The following TMTC2 variants were observed in gnomAD, a reference collection of about 807,000 sequenced individuals.
TMTC2 encodes protein O-mannosyl-transferase TMTC2.
TMTC2 carries 43 observed loss-of-function variants against 82.4 expected under a neutral mutation model. That is an observed-to-expected ratio of 0.52 (90% CI 0.41 to 0.67). TMTC2 has a LOEUF of 0.67. Ranked by LOEUF, TMTC2 falls within the 30% of genes least tolerant of loss-of-function variation. The pLI, the probability that TMTC2 is intolerant of heterozygous loss-of-function variation, is 0.00. For synonymous variants in TMTC2, 408 were observed against 381.9 expected, an observed-to-expected ratio of 1.07 and a Z score of -0.80; for missense variants, 919 against 1,012.4, an observed-to-expected ratio of 0.91 and a Z score of 1.25.
chr12:83,016,007 T>C (rs1230275261), intron 8 of TMTC2, among the ~76,000 whole-genome samples: 1 of 152,196 alleles, frequency 6.6e-6, no homozygotes. Flanking sequence ...TTACTAAACA[T>C]TGCTGTTTTC....
Position 82,857,454 on chromosome 12 carries a change from A to G in TMTC2, c.528A>G (p.Gly176=), listed in dbSNP as rs1871319251. The G allele has an allele frequency of 3.1e-6, 5 of 1,614,196 alleles. No individual in the cohort carries two copies. The highest frequency in any genetic ancestry group is 1.6e-4 in the Middle Eastern group (1 of 6,062). Residue 176 remains glycine (G), a synonymous_variant, in exon 2 of 12, where the codon GGA becomes GGG. Transcript: ENST00000321196. ...ARTWGWFLGS[G]LCAGCSMLWK... The stretch of plus-strand genomic sequence containing the variant: ...CCTGGGGCTGGTTCCTGGGGTCAGG[A>G]CTGTGCGCAGGATGCAGCATGTTGT...
At chr12:83,045,928 A>G (rs1338324561) in intron 9 of TMTC2, among the ~76,000 whole-genome samples, 1 of 152,148 alleles carries the variant, frequency 6.6e-6, no homozygotes. Context: ...AGTGGGGAGA[A>G]GTAACATATC....
At chr12:83,100,068 C>A (rs946968061) in intron 11 of TMTC2, among the ~76,000 whole-genome samples, 4 of 151,878 alleles carry the variant, frequency 2.6e-5, no homozygotes, top group African/African-American at 7.3e-5. Flanking sequence ...TCCCGGCGCC[C>A]GCCACCATGC....
chr12:82,905,558 T>A (rs1379553404), intron 3 of TMTC2, among the ~76,000 whole-genome samples: 1 of 152,156 alleles, frequency 6.6e-6, no homozygotes, highest in African/African-American at 2.4e-5. Flanking sequence ...TATGTAAAAT[T>A]TCATACATAT....
intron 11 of TMTC2, among the ~76,000 whole-genome samples, chr12:83,123,691 A>G (rs1419824653): frequency 6.6e-6 from 1 of 151,462 alleles, no homozygotes; most frequent in Non-Finnish European, 1.5e-5. Flanking sequence ...TGAAATTCTG[A>G]CTCCCCTCTA....
At chr12:82,944,341 T>C (rs1454133862) in intron 4 of TMTC2, among the ~76,000 whole-genome samples, 1 of 152,070 alleles carries the variant, frequency 6.6e-6, no homozygotes, top group Non-Finnish European at 1.5e-5. Context: ...TCCCAGCACT[T>C]TGGGAGGCCA....
At chr12:82,885,205 AC>A (rs1873029399) in intron 2 of TMTC2, among the ~76,000 whole-genome samples, 1 of 144,586 alleles carries the variant, frequency 6.9e-6, no homozygotes, top group Non-Finnish European at 1.5e-5. Flanking sequence ...ACCCAGCCAG[AC>A]TTTGTTTTTG....
chr12:83,108,514 C>T (rs929255352), intron 11 of TMTC2, among the ~76,000 whole-genome samples: 69 of 151,998 alleles, frequency 4.5e-4, no homozygotes, highest in Admixed American at 7.9e-4. Context: ...CCTGTAGTCC[C>T]GGCTACTCGG....
chr12:82,917,591 T>TTTTATTTA lies in TMTC2; in HGVS notation c.1484-12819_1484-12812dup, dbSNP rs200853483. ...AAGTCTAGCTTAAAATTGGCTTTTATTTTATTTATTTATTTATTTATTTAT... is the reference window on the plus strand; with the variant it reads ...AAGTCTAGCTTAAAATTGGCTTTTATTTTATTTATTTATTTATTTATTTATTTATTTAT... On this transcript the variant is annotated intron_variant, in intron 3 of 11. Transcript: ENST00000321196. Among the ~76,000 whole-genome samples, 361 of 151,752 alleles carry TTTTATTTA rather than the reference T, an allele frequency of 2.4e-3. 2 individuals carry two copies. Among genetic ancestry groups the TTTTATTTA allele is most frequent in the African/African-American group, 8.2e-3 (341 of 41,404 alleles).
intron 1 of TMTC2, among the ~76,000 whole-genome samples, chr12:82,703,853 T>G (rs1384662202): frequency 6.6e-6 from 1 of 152,206 alleles, no homozygotes; most frequent in Admixed American, 6.5e-5. Context: ...GCTTTTGAGG[T>G]GACATCAAGA....
At chr12:82,903,186 G>A (rs1210548975) in intron 3 of TMTC2, among the ~76,000 whole-genome samples, 4 of 152,098 alleles carry the variant, frequency 2.6e-5, no homozygotes, top group Non-Finnish European at 4.4e-5. Flanking sequence ...TATCAGTAAG[G>A]TGCTTTATGT....
chr12:82,715,043 G>T (rs1476083267), intron 1 of TMTC2, among the ~76,000 whole-genome samples: 1 of 152,024 alleles, frequency 6.6e-6, no homozygotes, highest in Admixed American at 6.6e-5. Flanking sequence ...AGGCCAAGGC[G>T]GGAGGATCAC....
intron 8 of TMTC2, among the ~76,000 whole-genome samples, chr12:83,007,839 G>A (rs1880274341): frequency 6.6e-6 from 1 of 152,030 alleles, no homozygotes; most frequent in South Asian, 2.1e-4. Flanking sequence ...CTCAGGTTTT[G>A]TATCTAGAAA....
chr12:82,721,871 A>G (rs1369448787), intron 1 of TMTC2, among the ~76,000 whole-genome samples: 2 of 152,184 alleles, frequency 1.3e-5, no homozygotes, highest in East Asian at 1.9e-4. Context: ...TGTGATATAA[A>G]TAGGGCAAGC....
At chr12:82,792,664 G>A (rs562371181) in intron 1 of TMTC2, among the ~76,000 whole-genome samples, 2 of 151,910 alleles carry the variant, frequency 1.3e-5, no homozygotes, top group East Asian at 1.9e-4. Flanking sequence ...TTGTAGAGAT[G>A]GGGGTCTTGC....
chr12:82,916,030 T>G (rs1174483776), intron 3 of TMTC2, among the ~76,000 whole-genome samples: 2 of 152,160 alleles, frequency 1.3e-5, no homozygotes, highest in Non-Finnish European at 2.9e-5. Context: ...CCAGTATTTA[T>G]GGAGAAAAAA....
At chr12:82,800,614 A>G (rs1270354366) in intron 1 of TMTC2, among the ~76,000 whole-genome samples, 1 of 152,184 alleles carries the variant, frequency 6.6e-6, no homozygotes, top group Non-Finnish European at 1.5e-5. Flanking sequence ...AATGCTATTT[A>G]ACATCCTCCC....
chr12:83,130,142 G>C (rs2137573394), intron 11 of TMTC2, among the ~76,000 whole-genome samples: 1 of 152,306 alleles, frequency 6.6e-6, no homozygotes, highest in South Asian at 2.1e-4. Flanking sequence ...ACTCAGGATA[G>C]CAGGAATCTG....
At chr12:82,776,579 G>T (rs144344879) in intron 1 of TMTC2, among the ~76,000 whole-genome samples, 1,812 of 141,766 alleles carry the variant, frequency 0.013, 22 homozygotes, top group Non-Finnish European at 0.021. Context: ...AGGTGTTTGA[G>T]ACCATCCTGG....
Sources: gnomAD v4.1 joint callset for allele counts (sites outside exome capture counted in the v4.1 genomes callset) on GRCh38, gnomAD v4.1.1 for gene constraint, MANE v1.5 for transcripts, NCBI Gene and HGNC (gene_info 2026-07-23, HGNC 2026-07-21) for gene names.